Variants in TMEM268 observed in about 807,000 individuals in gnomAD.
TMEM268 encodes transmembrane protein 268, also known as transmembrane protein C9orf91.
A neutral mutation model predicts 39.1 loss-of-function variants in TMEM268; 24 were observed. That is an observed-to-expected ratio of 0.61 (90% CI 0.44 to 0.86). The LOEUF (loss-of-function observed/expected upper bound fraction) is 0.86. Among genes scored for constraint, TMEM268 ranks in the 40% least tolerant of loss-of-function variants. The probability of loss-of-function intolerance (pLI) is 0.00; values close to 1 mark genes in which losing one functional copy is unlikely to be tolerated. For synonymous variants in TMEM268, 176 were observed against 173.5 expected, an observed-to-expected ratio of 1.01 and a Z score of -0.12; for missense variants, 409 against 428.6, an observed-to-expected ratio of 0.95 and a Z score of 0.40.
At chr9:114,624,481 TC>T in intron 3 of TMEM268, 22 bp downstream of exon 3, 1 of 1,554,238 alleles carries the variant, frequency 6.4e-7, no homozygotes. Context: ...TTTCCTTGAA[TC>T]CCTACCATTT....
intron 5 of TMEM268, among the ~76,000 whole-genome samples, chr9:114,632,491 AT>A (rs2133679433): frequency 6.6e-6 from 1 of 152,246 alleles, no homozygotes; most frequent in East Asian, 1.9e-4. Flanking sequence ...CCAAACCAGC[AT>A]TTGGGGTCCT....
chr9:114,619,556 C>T (rs1845864686), intron 2 of TMEM268, among the ~76,000 whole-genome samples: 2 of 152,194 alleles, frequency 1.3e-5, no homozygotes. Flanking sequence ...TTCTGAGTCT[C>T]CATGCGTGGA....
At chr9:114,612,353 A>G (rs989644701) in intron 1 of TMEM268, among the ~76,000 whole-genome samples, 2 of 152,208 alleles carry the variant, frequency 1.3e-5, no homozygotes, top group Admixed American at 1.3e-4. Context: ...CAGAATCAGC[A>G]GAGGAGACCC....
chr9:114,612,265 G>C (rs1845531116), intron 1 of TMEM268, among the ~76,000 whole-genome samples: 1 of 152,188 alleles, frequency 6.6e-6, no homozygotes, highest in African/African-American at 2.4e-5. Context: ...ATGTTCCTTT[G>C]CAGATGCTCT....
chr9:114,622,075 G>A (rs1339173441), intron 2 of TMEM268: 67 of 985,266 alleles, frequency 6.8e-5, no homozygotes, highest in Non-Finnish European at 8.0e-5. Context: ...AGGGCACAGA[G>A]TGGACAGATG....
intron 8 of TMEM268, among the ~76,000 whole-genome samples, chr9:114,640,894 G>A (rs147065441): frequency 0.011 from 1,702 of 148,016 alleles, 27 homozygotes; most frequent in African/African-American, 0.041. Flanking sequence ...TTTTTTTTTC[G>A]AGAGGGAGTT....
At chr9:114,620,524 C>T (rs1459097871) in intron 2 of TMEM268, among the ~76,000 whole-genome samples, 1 of 152,102 alleles carries the variant, frequency 6.6e-6, no homozygotes, top group Admixed American at 6.6e-5. Context: ...GCTGGGACTG[C>T]AGGCGTGAGC....
At chr9:114,639,997 G>A (rs1346852466) in intron 8 of TMEM268, among the ~76,000 whole-genome samples, 1 of 149,970 alleles carries the variant, frequency 6.7e-6, no homozygotes, top group Non-Finnish European at 1.5e-5. Context: ...CGATCCACCC[G>A]CTTCATCCTC....
At chr9:114,609,126 A>C (rs749564964), upstream of TMEM268, among the ~76,000 whole-genome samples, 31 of 152,182 alleles carry the variant, frequency 2.0e-4, no homozygotes, top group Non-Finnish European at 3.8e-4. Flanking sequence ...CCTGGGCAAC[A>C]TGGTGAAACC....
chr9:114,631,484 C>G (rs1300674039), intron 5 of TMEM268, among the ~76,000 whole-genome samples: 1 of 152,144 alleles, frequency 6.6e-6, no homozygotes, highest in Non-Finnish European at 1.5e-5. Flanking sequence ...TCAATTCTTT[C>G]AATTATTCTA....
At chr9:114,634,293 A>G (rs1846533668) in intron 6 of TMEM268, among the ~76,000 whole-genome samples, 1 of 152,152 alleles carries the variant, frequency 6.6e-6, no homozygotes, top group Non-Finnish European at 1.5e-5. Flanking sequence ...CTTATAGCAA[A>G]CGGACAGCCC....
the TMEM268 span, among the ~76,000 whole-genome samples, chr9:114,604,816 C>T: frequency 0.037 from 5,706 of 152,202 alleles, 145 homozygotes; most frequent in East Asian, 0.088. Context: ...AAACACACAG[C>T]AGCCCTGCAG....
Position 114,629,417 on chromosome 9 carries a change from T to C in TMEM268, c.474+1167T>C, listed in dbSNP as rs148524819. On this transcript the variant is annotated intron_variant, in intron 5 of 8. Coordinates refer to ENST00000288502, the MANE Select transcript of TMEM268 (RefSeq NM_153045.4). ...TCAAAGCCAGCAATGGCAGATCCAATCTTTTTCACATCTCCTTCTCTGGCT... is the reference window on the plus strand; with the variant it reads ...TCAAAGCCAGCAATGGCAGATCCAACCTTTTTCACATCTCCTTCTCTGGCT... 4.7e-4 allele frequency among the ~76,000 whole-genome samples: 72 copies of C among 152,354 alleles called. 1 individual carries two copies. Among genetic ancestry groups the C allele is most frequent in the African/African-American group, 1.7e-3 (72 of 41,592 alleles).
intron 2 of TMEM268, among the ~76,000 whole-genome samples, chr9:114,620,823 C>T (rs1845918479): frequency 6.6e-6 from 1 of 152,062 alleles, no homozygotes; most frequent in Non-Finnish European, 1.5e-5. Context: ...TCCTCCTCAA[C>T]TTTACCATGT....
At chr9:114,623,036 G>A (rs536472681) in intron 2 of TMEM268, among the ~76,000 whole-genome samples, 21 of 152,272 alleles carry the variant, frequency 1.4e-4, no homozygotes, top group African/African-American at 5.1e-4. Context: ...ATTGTAGTAA[G>A]CTGAGATCGT....
At chr9:114,622,725 G>A (rs527865023) in intron 2 of TMEM268, among the ~76,000 whole-genome samples, 73 of 152,068 alleles carry the variant, frequency 4.8e-4, no homozygotes, top group Non-Finnish European at 9.1e-4. Context: ...TACGTAGGAG[G>A]GATTACAGTA....
chr9:114,643,314 C>G lies in TMEM268; in HGVS notation c.*1C>G. 6.2e-7 allele frequency: 1 copy of G among 1,613,892 alleles called. No homozygotes were observed. The highest frequency in any genetic ancestry group is 8.5e-7 in the Non-Finnish European group (1 of 1,179,868). The stretch of plus-strand genomic sequence containing the variant: ...GTGCTGCCCGTTCCTGGCGAGGTGA[C>G]CTAGGGATGAAGGTACTCATCTTCC... On this transcript the variant is annotated 3_prime_UTR_variant, in exon 9 of 9. Coordinates refer to ENST00000288502, the MANE Select transcript of TMEM268 (RefSeq NM_153045.4).
At position 114,633,748 on chromosome 9, in the gene TMEM268, G is replaced by C; in HGVS notation, c.475-20G>C. 1 of 1,448,488 alleles carries C rather than the reference G, an allele frequency of 6.9e-7. No individual in the cohort carries two copies. The highest frequency in any genetic ancestry group is 9.5e-7 in the Non-Finnish European group (1 of 1,057,426). 89.7% of individuals were successfully genotyped at this position (1,448,488 alleles called of 1,614,324 possible). A position where few individuals can be genotyped will look rare whatever the true frequency, so the allele number is the denominator to read the frequency against. Reference sequence around the variant, plus strand: ...CAGTAGCATGGAGGTCTGGTGATGGGCCTGGCGTTTGTCTTACAGGCCAAC... The same window carrying C: ...CAGTAGCATGGAGGTCTGGTGATGGCCCTGGCGTTTGTCTTACAGGCCAAC... On this transcript the variant is annotated intron_variant, in intron 5 of 8. Transcript: ENST00000288502.
At chr9:114,606,406 C>G (rs1360335580), upstream of TMEM268, among the ~76,000 whole-genome samples, 1 of 152,222 alleles carries the variant, frequency 6.6e-6, no homozygotes, top group Admixed American at 6.5e-5. Context: ...CTCTCACGTA[C>G]AGTTAGTCTA....
Sources: gnomAD v4.1 joint callset for allele counts (sites outside exome capture counted in the v4.1 genomes callset) on GRCh38, gnomAD v4.1.1 for gene constraint, MANE v1.5 for transcripts, NCBI Gene and HGNC (gene_info 2026-07-23, HGNC 2026-07-21) for gene names.